Variants in SLC1A1 observed in about 807,000 individuals in gnomAD.
The protein encoded by SLC1A1 is solute carrier family 1 member 1.
Under a neutral mutation model 53.3 loss-of-function variants are expected in SLC1A1, and 43 were observed. The ratio of observed to expected loss-of-function variants is 0.81; its 90% CI spans 0.63 to 1.04. The LOEUF (loss-of-function observed/expected upper bound fraction) is 1.04. Ranked by LOEUF, SLC1A1 falls within the 50% of genes least tolerant of loss-of-function variation. The pLI is 0.00. For synonymous variants in SLC1A1, 307 were observed against 243.2 expected (o/e 1.26, Z -2.44); for missense variants, 748 against 664.9 (o/e 1.12, Z -1.37).
chr9:4,505,813 C>A (rs748714711), intron 1 of SLC1A1, among the ~76,000 whole-genome samples: 10 of 152,030 alleles, frequency 6.6e-5, no homozygotes, highest in Non-Finnish European at 1.3e-4. Context: ...TGTGCCACCA[C>A]GCCCAGCTAA....
intron 1 of SLC1A1, among the ~76,000 whole-genome samples, chr9:4,517,257 A>G (rs917780180): frequency 6.6e-6 from 1 of 152,186 alleles, no homozygotes; most frequent in Admixed American, 6.5e-5. Flanking sequence ...AGGTTCATCT[A>G]AAATTCTTTC....
intron 6 of SLC1A1, among the ~76,000 whole-genome samples, chr9:4,569,187 C>G (rs536962802): frequency 6.6e-6 from 1 of 152,184 alleles, no homozygotes; most frequent in Non-Finnish European, 1.5e-5. Context: ...GCAATGCAGG[C>G]CCACAATTCC....
At chr9:4,529,928 T>A (rs1171567336) in intron 1 of SLC1A1, among the ~76,000 whole-genome samples, 1 of 152,208 alleles carries the variant, frequency 6.6e-6, no homozygotes, top group Admixed American at 6.5e-5. Context: ...GTAAGATACA[T>A]GCCTTGAATG....
At chr9:4,576,884 TC>T (rs1820598483) in intron 10 of SLC1A1, 121 bp downstream of exon 10, 10 of 957,398 alleles carry the variant, frequency 1.0e-5, no homozygotes, top group South Asian at 1.3e-5. Flanking sequence ...ATCTATAAAG[TC>T]CCTTCCCAAG....
At chr9:4,525,420 G>A (rs1178074112) in intron 1 of SLC1A1, among the ~76,000 whole-genome samples, 1 of 152,176 alleles carries the variant, frequency 6.6e-6, no homozygotes, top group African/African-American at 2.4e-5. Flanking sequence ...GAAAAAATAA[G>A]TAGCCTGTAG....
chr9:4,538,971 T>A (rs1175449607), intron 1 of SLC1A1, among the ~76,000 whole-genome samples: 1 of 152,258 alleles, frequency 6.6e-6, no homozygotes, highest in Non-Finnish European at 1.5e-5. Context: ...ATTTGCTTAA[T>A]GTAGTGCCTA....
chr9:4,541,893 C>T (rs756070826), intron 1 of SLC1A1, among the ~76,000 whole-genome samples: 34 of 152,174 alleles, frequency 2.2e-4, no homozygotes, highest in South Asian at 6.2e-4. Context: ...GGTTCTGACT[C>T]TGTTAATGGG....
chr9:4,508,239 G>C (rs985831655), intron 1 of SLC1A1, among the ~76,000 whole-genome samples: 1 of 152,140 alleles, frequency 6.6e-6, no homozygotes, highest in Non-Finnish European at 1.5e-5. Context: ...AATAAAGAGA[G>C]TCAACCACAG....
At chr9:4,497,048 G>C (rs1015572665) in intron 1 of SLC1A1, among the ~76,000 whole-genome samples, 30 of 152,124 alleles carry the variant, frequency 2.0e-4, no homozygotes, top group Admixed American at 2.0e-3. Flanking sequence ...TGAGATGGAA[G>C]GGAGGAGTTA....
intron 2 of SLC1A1, 110 bp downstream of exon 2, chr9:4,544,817 T>C (rs764332319): frequency 1.8e-5 from 17 of 950,254 alleles, no homozygotes; most frequent in Non-Finnish European, 2.6e-5. Context: ...TGACTCACAG[T>C]TCATCCTGGC....
chr9:4,571,254 A>G (rs975340024), intron 6 of SLC1A1, among the ~76,000 whole-genome samples: 3 of 152,168 alleles, frequency 2.0e-5, no homozygotes, highest in African/African-American at 4.8e-5. Flanking sequence ...GGGAGGAGGG[A>G]GAGGATCAGG....
chr9:4,554,707 G>GCC (rs1469893229), intron 2 of SLC1A1, among the ~76,000 whole-genome samples: 3 of 152,218 alleles, frequency 2.0e-5, no homozygotes, highest in African/African-American at 7.2e-5. Context: ...AGGCCTGTTG[G>GCC]CCAAGGTAAG....
At chr9:4,568,555 C>T (rs953984975) in intron 6 of SLC1A1, among the ~76,000 whole-genome samples, 2 of 151,820 alleles carry the variant, frequency 1.3e-5, no homozygotes, top group Non-Finnish European at 1.5e-5. Context: ...ACCCCATATG[C>T]ACAAAACATT....
At chr9:4,515,574 C>T (rs1344710344) in intron 1 of SLC1A1, among the ~76,000 whole-genome samples, 1 of 151,854 alleles carries the variant, frequency 6.6e-6, no homozygotes, top group African/African-American at 2.4e-5. Flanking sequence ...GTGTGCTGCC[C>T]AAGAAGAGGG....
intron 11 of SLC1A1, among the ~76,000 whole-genome samples, chr9:4,584,395 CCT>C (rs1821399318): frequency 6.6e-6 from 1 of 152,136 alleles, no homozygotes; most frequent in African/African-American, 2.4e-5. Flanking sequence ...TTCTCCTTTC[CCT>C]GAGTCTTCCT....
At position 4,567,088 on chromosome 9, in the gene SLC1A1, C is replaced by A. The variant is rs574808789; in HGVS notation, c.484-581C>A. Among the ~76,000 whole-genome samples, 3 of 152,322 alleles carry A rather than the reference C, an allele frequency of 2.0e-5. No individual in the cohort carries two copies. The South Asian group carries it at 6.2e-4, about 32-fold the overall frequency. On this transcript the variant is annotated intron_variant, in intron 5 of 11. Coordinates refer to ENST00000262352, the MANE Select transcript of SLC1A1 (RefSeq NM_004170.6). Reference sequence around the variant, plus strand: ...TTTATGCCTGGTGTAATAATATACTCACTCTTTCTTAAATCCCCATGTGGA... The same window carrying A: ...TTTATGCCTGGTGTAATAATATACTAACTCTTTCTTAAATCCCCATGTGGA...
chr9:4,490,815 C>G, intron 1 of SLC1A1, 45 bp downstream of exon 1: 1 of 1,523,048 alleles, frequency 6.6e-7, no homozygotes, highest in Non-Finnish European at 9.1e-7. Context: ...CTCACGCGCT[C>G]TCTGCGCCCA....
intron 1 of SLC1A1, among the ~76,000 whole-genome samples, chr9:4,505,744 C>A (rs950985647): frequency 6.6e-6 from 1 of 152,178 alleles, no homozygotes; most frequent in Non-Finnish European, 1.5e-5. Context: ...TCAACCTTCA[C>A]CTCCTGGGTT....
At chr9:4,510,417 T>G (rs1340752537) in intron 1 of SLC1A1, among the ~76,000 whole-genome samples, 1 of 152,186 alleles carries the variant, frequency 6.6e-6, no homozygotes, top group Non-Finnish European at 1.5e-5. Context: ...CTTCTAATTG[T>G]AAGCAACAGA....
Sources: allele counts gnomAD v4.1 joint callset (sites outside exome capture counted in the v4.1 genomes callset), GRCh38; gene constraint gnomAD v4.1.1; transcripts MANE v1.5; gene names NCBI Gene and HGNC (gene_info 2026-07-23, HGNC 2026-07-21).